Variants in ZDHHC14 observed in about 807,000 individuals in gnomAD.
ZDHHC14 encodes palmitoyltransferase ZDHHC14.
In ZDHHC14, 16 loss-of-function variants were observed where a neutral mutation model predicts 47.7. That is an observed-to-expected ratio of 0.34 (90% CI 0.23 to 0.51). ZDHHC14 has a LOEUF of 0.51. ZDHHC14 is among the 20% of genes least tolerant of loss of function. The pLI is 0.97. For missense variants in ZDHHC14, 515 were observed against 662.5 expected (o/e 0.78, Z 2.44); for synonymous variants, 293 against 278.9 (o/e 1.05, Z -0.50).
chr6:157,618,242 A>G (rs1330800172), intron 3 of ZDHHC14, among the ~76,000 whole-genome samples: 1 of 152,138 alleles, frequency 6.6e-6, no homozygotes, highest in Non-Finnish European at 1.5e-5. Context: ...TCAGAGTTTC[A>G]CAAACGACAG....
At chr6:157,425,660 C>T (rs1442184080) in intron 1 of ZDHHC14, among the ~76,000 whole-genome samples, 1 of 152,206 alleles carries the variant, frequency 6.6e-6, no homozygotes, top group Admixed American at 6.5e-5. Context: ...AAAAGGCAGA[C>T]TTGATCATGT....
intron 1 of ZDHHC14, among the ~76,000 whole-genome samples, chr6:157,417,316 A>ACC (rs1296878749): frequency 1.3e-5 from 2 of 152,186 alleles, no homozygotes; most frequent in Non-Finnish European, 2.9e-5. Context: ...AGATGTGGAT[A>ACC]AAAGCATGTG....
At chr6:157,434,218 T>TATATATA (rs1778395465) in intron 1 of ZDHHC14, among the ~76,000 whole-genome samples, 11 of 146,570 alleles carry the variant, frequency 7.5e-5, no homozygotes, top group East Asian at 2.0e-4. Context: ...GCTTATAATT[T>TATATATA]TATATATATA....
chr6:157,612,195 C>A (rs1298688495), intron 3 of ZDHHC14, among the ~76,000 whole-genome samples: 2 of 152,164 alleles, frequency 1.3e-5, no homozygotes, highest in East Asian at 3.9e-4. Context: ...CACTTCATCC[C>A]TTTCCTTCTG....
At chr6:157,590,346 G>A (rs982885230) in intron 2 of ZDHHC14, among the ~76,000 whole-genome samples, 2 of 152,150 alleles carry the variant, frequency 1.3e-5, no homozygotes, top group African/African-American at 4.8e-5. Context: ...AGAGGTCTAG[G>A]AGGAAAAAAT....
intron 2 of ZDHHC14, among the ~76,000 whole-genome samples, chr6:157,589,204 C>T (rs759134100): frequency 8.5e-5 from 13 of 152,194 alleles, no homozygotes; most frequent in Non-Finnish European, 1.6e-4. Context: ...GGAGGTGCTA[C>T]ACCTTTTAAA....
chr6:157,493,327 C>T (rs1036487262), intron 1 of ZDHHC14, among the ~76,000 whole-genome samples: 3 of 152,322 alleles, frequency 2.0e-5, no homozygotes, highest in African/African-American at 2.4e-5. Flanking sequence ...ACCGCAAGGG[C>T]GAGCGGGACG....
chr6:157,495,654 G>C (rs1780044502), intron 1 of ZDHHC14, among the ~76,000 whole-genome samples: 1 of 151,526 alleles, frequency 6.6e-6, no homozygotes, highest in Non-Finnish European at 1.5e-5. Flanking sequence ...GAGGATGGTG[G>C]TGCCAAGCAG....
Position 157,645,730 on chromosome 6 carries a change from G to T in ZDHHC14, c.753-7G>T. 6.2e-7 allele frequency: 1 copy of T among 1,612,248 alleles called. No homozygotes were observed. The highest frequency in any genetic ancestry group is 1.3e-5 in the African/African-American group (1 of 74,952). On this transcript the variant is annotated splice_region_variant and splice_polypyrimidine_tract_variant and intron_variant, in intron 5 of 8. Transcript: ENST00000359775. ...TCACTTCCGCTTGCCTCCTTGACTC[G>T]CATCACCGTCCTGGAGGCTGTGGTG...
At chr6:157,494,761 G>A (rs2114731634) in intron 1 of ZDHHC14, among the ~76,000 whole-genome samples, 2 of 152,310 alleles carry the variant, frequency 1.3e-5, no homozygotes, top group South Asian at 4.1e-4. Context: ...ATGATAAATT[G>A]CATTTTATGG....
intron 3 of ZDHHC14, among the ~76,000 whole-genome samples, chr6:157,607,647 C>T (rs374489854): frequency 6.6e-6 from 1 of 152,150 alleles, no homozygotes; most frequent in African/African-American, 2.4e-5. Context: ...TCTGCCCTTT[C>T]GTCTGGGTAA....
At chr6:157,590,831 C>T (rs570795166) in intron 2 of ZDHHC14, among the ~76,000 whole-genome samples, 4 of 152,330 alleles carry the variant, frequency 2.6e-5, no homozygotes, top group Admixed American at 6.5e-5. Flanking sequence ...CAACTCCAGC[C>T]GTGAAAGCAG....
intron 4 of ZDHHC14, among the ~76,000 whole-genome samples, chr6:157,628,983 G>A (rs1186763796): frequency 1.3e-5 from 2 of 152,152 alleles, no homozygotes; most frequent in Non-Finnish European, 2.9e-5. Flanking sequence ...AGAAAGACTA[G>A]GTTTTCTTGC....
At chr6:157,533,077 A>G (rs1363246967) in intron 1 of ZDHHC14, among the ~76,000 whole-genome samples, 2 of 152,216 alleles carry the variant, frequency 1.3e-5, no homozygotes, top group African/African-American at 2.4e-5. Context: ...AGTTACAAAT[A>G]TAGATGTGTT....
At chr6:157,516,635 T>G (rs1389664491) in intron 1 of ZDHHC14, among the ~76,000 whole-genome samples, 1 of 152,214 alleles carries the variant, frequency 6.6e-6, no homozygotes, top group Non-Finnish European at 1.5e-5. Flanking sequence ...TTATTTCTGT[T>G]TCACCATTGC....
chr6:157,641,005 G>A (rs946123690), intron 5 of ZDHHC14, among the ~76,000 whole-genome samples: 8 of 152,078 alleles, frequency 5.3e-5, no homozygotes, highest in Admixed American at 3.9e-4. Flanking sequence ...TACCTAAAAA[G>A]GACTCTTTTT....
chr6:157,523,738 A>AAT (rs1554263336), intron 1 of ZDHHC14, among the ~76,000 whole-genome samples: 1 of 151,930 alleles, frequency 6.6e-6, no homozygotes, highest in Non-Finnish European at 1.5e-5. Flanking sequence ...CAAAAAAAAA[A>AAT]AAAAGGAAAA....
chr6:157,426,428 C>G (rs1778221262), intron 1 of ZDHHC14, among the ~76,000 whole-genome samples: 2 of 152,232 alleles, frequency 1.3e-5, no homozygotes, highest in African/African-American at 4.8e-5. Flanking sequence ...TGGCATGCCA[C>G]ATGCCGCATT....
intron 5 of ZDHHC14, among the ~76,000 whole-genome samples, chr6:157,636,295 C>T (rs750105051): frequency 7.9e-5 from 12 of 151,418 alleles, no homozygotes; most frequent in African/African-American, 1.7e-4. Context: ...TAGCTATAGA[C>T]GCACACACAC....
Sources: allele counts gnomAD v4.1 joint callset (sites outside exome capture counted in the v4.1 genomes callset), GRCh38; gene constraint gnomAD v4.1.1; transcripts MANE v1.5; gene names NCBI Gene and HGNC (gene_info 2026-07-23, HGNC 2026-07-21).